Variants in GALNT6 observed in about 807,000 individuals in gnomAD.
GALNT6 encodes GalNAc transferase 6.
GALNT6 carries 51 observed loss-of-function variants against 65.9 expected under a neutral mutation model. The ratio of observed to expected loss-of-function variants is 0.77; its 90% CI spans 0.62 to 0.98. The LOEUF is 0.98. GALNT6 is among the 50% of genes least tolerant of loss of function. The probability of loss-of-function intolerance (pLI) is 0.00; values close to 1 mark genes in which losing one functional copy is unlikely to be tolerated. For missense variants in GALNT6, 708 were observed against 803.3 expected (o/e 0.88, Z 1.43); for synonymous variants, 323 against 315.1 (o/e 1.02, Z -0.26).
chr12:51,363,248 T>TA (rs1319724510), intron 6 of GALNT6, among the ~76,000 whole-genome samples: 3 of 152,128 alleles, frequency 2.0e-5, no homozygotes, highest in African/African-American at 7.2e-5. Context: ...AGACAACTGT[T>TA]AAAATAAACT....
chr12:51,369,346 C>G (rs1425771704), intron 4 of GALNT6, among the ~76,000 whole-genome samples: 1 of 152,194 alleles, frequency 6.6e-6, no homozygotes, highest in Non-Finnish European at 1.5e-5. Context: ...AAGCAATGCC[C>G]CTCGTGATAC....
chr12:51,377,896 C>T (rs1254587803), intron 3 of GALNT6, among the ~76,000 whole-genome samples: 2 of 152,156 alleles, frequency 1.3e-5, no homozygotes, highest in African/African-American at 4.8e-5. Flanking sequence ...GATTTGACAC[C>T]ACTATCACAG....
Position 51,354,294 on chromosome 12 carries a change from A to T in GALNT6, c.*85T>A. ...AGAAATCCATCTTTACGGCCTCCAG[A>T]GAAGCTGGTGATCAGGTTCCCAGAC... On this transcript the variant is annotated 3_prime_UTR_variant, in exon 12 of 12. Transcript: ENST00000356317. The T allele has an allele frequency of 1.4e-6, 1 of 739,640 alleles. No homozygotes were observed. The highest frequency in any genetic ancestry group is 2.0e-5 in the South Asian group (1 of 49,436). The allele number at this position is 739,640 out of a possible 1,614,324, so 45.8% of individuals were successfully genotyped here. A position where few individuals can be genotyped will look rare whatever the true frequency, so the allele number is the denominator to read the frequency against.
chr12:51,363,869 G>A (rs1004299703), intron 6 of GALNT6, among the ~76,000 whole-genome samples: 2 of 152,216 alleles, frequency 1.3e-5, no homozygotes, highest in Non-Finnish European at 2.9e-5. Flanking sequence ...GCAGTGCCAC[G>A]GTTAGGGCCA....
intron 5 of GALNT6, among the ~76,000 whole-genome samples, chr12:51,364,958 G>A (rs995896435): frequency 5.3e-5 from 8 of 152,190 alleles, no homozygotes; most frequent in Non-Finnish European, 1.0e-4. Context: ...CAAGACTAGA[G>A]CTTCCCCTAA....
At chr12:51,385,696 G>A (rs140545124) in intron 2 of GALNT6, among the ~76,000 whole-genome samples, 126 of 152,138 alleles carry the variant, frequency 8.3e-4, no homozygotes, top group African/African-American at 2.9e-3. Context: ...CTTAGCACCC[G>A]ATTTTTATTT....
At chr12:51,356,089 T>C (rs1428498563) in intron 10 of GALNT6, 131 bp from the exon 11 acceptor site, 2 of 716,498 alleles carry the variant, frequency 2.8e-6, no homozygotes, top group African/African-American at 1.8e-5. Flanking sequence ...AAGACTTTAC[T>C]CATTTATGTG....
chr12:51,378,887 C>T (rs928279164), intron 3 of GALNT6, among the ~76,000 whole-genome samples: 1 of 144,234 alleles, frequency 6.9e-6, no homozygotes, highest in East Asian at 2.4e-4. Flanking sequence ...TGCCCACCCC[C>T]CCCCCAAACA....
chr12:51,391,633 G>GCGCCA (rs1401646978), upstream of GALNT6: 3 of 147,986 alleles, frequency 2.0e-5, no homozygotes, highest in Non-Finnish European at 4.6e-5. Context: ...CAGCCGCGCC[G>GCGCCA]CGGGGTGGCT....
At chr12:51,381,091 T>C (rs1425411812) in intron 2 of GALNT6, among the ~76,000 whole-genome samples, 1 of 152,102 alleles carries the variant, frequency 6.6e-6, no homozygotes, top group East Asian at 1.9e-4. Flanking sequence ...ATTTTAAAAA[T>C]TAGCGAGGCG....
Position 51,379,300 on chromosome 12 carries a change from C to G in GALNT6, c.482G>C (p.Arg161Pro). 6.6e-7 allele frequency: 1 copy of G among 1,522,294 alleles called. No individual in the cohort carries two copies. Among genetic ancestry groups the G allele is most frequent in the Non-Finnish European group, 8.8e-7 (1 of 1,138,364 alleles). 94.3% of individuals were successfully genotyped at this position (1,522,294 alleles called of 1,614,324 possible). Reference sequence around the variant, plus strand: ...TCTGGGTGCTACTTACTCAGGTGGTCGGGTGTCTGGCCCCAGGGACCTCTG... The same window carrying G: ...TCTGGGTGCTACTTACTCAGGTGGTGGGGTGTCTGGCCCCAGGGACCTCTG... ...SLQRSLGPDT[R>P]PPECVDQKFR... The change falls in exon 3 of 12, where the codon CGA becomes CCA. Residue 161 changes from arginine to proline, a missense_variant. By Grantham distance (103) the Arg-to-Pro change is moderately radical. Coordinates refer to ENST00000356317, the MANE Select transcript of GALNT6 (RefSeq NM_007210.4).
Position 51,377,390 on chromosome 12 carries a change from A to C in GALNT6, c.492-23T>G, listed in dbSNP as rs2277380. On this transcript the variant is annotated intron_variant, in intron 3 of 11. Coordinates refer to ENST00000356317, the MANE Select transcript of GALNT6 (RefSeq NM_007210.4). ...CACCTGGAAGTATGAAAGTACGGACAAAGTTCTCCTGGTCCCTGGGAGTAC... is the reference window on the plus strand; with the variant it reads ...CACCTGGAAGTATGAAAGTACGGACCAAGTTCTCCTGGTCCCTGGGAGTAC... The C allele has an allele frequency of 3.7e-6, 6 of 1,610,072 alleles. No homozygotes were observed. The East Asian group carries it at 1.3e-4, about 36-fold the overall frequency.
intron 5 of GALNT6, 54 bp from the exon 6 acceptor site, chr12:51,364,409 A>C: frequency 2.4e-6 from 3 of 1,272,466 alleles, no homozygotes; most frequent in Non-Finnish European, 3.4e-6. Context: ...AGCAGAGCCC[A>C]AGCTGCATCC....
chr12:51,365,388 G>A, intron 5 of GALNT6, 42 bp downstream of exon 5: 1 of 1,563,184 alleles, frequency 6.4e-7, no homozygotes, highest in Middle Eastern at 2.4e-4. Flanking sequence ...TAGCAGGGAG[G>A]GAGCCTCCAG....
intron 8 of GALNT6, 27 bp downstream of exon 8, chr12:51,359,105 A>G: frequency 6.3e-7 from 1 of 1,582,132 alleles, no homozygotes; most frequent in Non-Finnish European, 8.7e-7. Context: ...CTTCATCTAA[A>G]CCTCTCCGAG....
chr12:51,359,492 T>C (rs1169471731), intron 7 of GALNT6, 160 bp from the exon 8 acceptor site: 2 of 561,106 alleles, frequency 3.6e-6, no homozygotes, highest in Non-Finnish European at 6.3e-6. Context: ...ACCAGGCTTC[T>C]TCCTAGGCCA....
intron 11 of GALNT6, among the ~76,000 whole-genome samples, chr12:51,355,088 T>C (rs1429843063): frequency 6.6e-6 from 1 of 152,156 alleles, no homozygotes; most frequent in African/African-American, 2.4e-5. Flanking sequence ...CTGGGCTTCC[T>C]CCGGCTCCAG....
At position 51,354,288 on chromosome 12, in the gene GALNT6, C is replaced by G. The variant is rs962670431; in HGVS notation, c.*91G>C. On this transcript the variant is annotated 3_prime_UTR_variant, in exon 12 of 12. Coordinates refer to ENST00000356317, the MANE Select transcript of GALNT6 (RefSeq NM_007210.4). ...GGGTTTAGAAATCCATCTTTACGGC[C>G]TCCAGAGAAGCTGGTGATCAGGTTC... 2.8e-6 allele frequency: 2 copies of G among 703,246 alleles called. No homozygotes were observed. The highest frequency in any genetic ancestry group is 2.3e-6 in the Non-Finnish European group (1 of 431,896). 43.6% of individuals were successfully genotyped at this position (703,246 alleles called of 1,614,324 possible).
At position 51,354,247 on chromosome 12, in the gene GALNT6, T is replaced by C; in HGVS notation, c.*132A>G. Reference sequence around the variant, plus strand: ...GTTGTTGCAAGGATTAGGAAGGTCCTGCCTTGCCACCCAGTGGGTTTAGAA... The same window carrying C: ...GTTGTTGCAAGGATTAGGAAGGTCCCGCCTTGCCACCCAGTGGGTTTAGAA... On this transcript the variant is annotated 3_prime_UTR_variant, in exon 12 of 12. Transcript: ENST00000356317. The C allele has an allele frequency of 1.8e-6, 1 of 562,852 alleles. No homozygotes were observed. 34.9% of individuals were successfully genotyped at this position (562,852 alleles called of 1,614,324 possible). A position where few individuals can be genotyped will look rare whatever the true frequency, so the allele number is the denominator to read the frequency against.
Sources: gnomAD v4.1 joint callset for allele counts (sites outside exome capture counted in the v4.1 genomes callset) on GRCh38, gnomAD v4.1.1 for gene constraint, MANE v1.5 for transcripts, NCBI Gene and HGNC (gene_info 2026-07-23, HGNC 2026-07-21) for gene names.